RBFOX2: variants seen among roughly 807,000 people sequenced by gnomAD.
RBFOX2 encodes RNA binding fox-1 homolog 2, also known as RNA binding protein fox-1 homolog 2.
A neutral mutation model predicts 49.1 loss-of-function variants in RBFOX2; 10 were observed. The ratio of observed to expected loss-of-function variants is 0.20; its 90% CI spans 0.13 to 0.35. The LOEUF (loss-of-function observed/expected upper bound fraction) is 0.35. RBFOX2 is among the 10% of genes least tolerant of loss of function. RBFOX2 has a pLI of 1.00. For synonymous variants in RBFOX2, 183 were observed against 187.4 expected (o/e 0.98, Z 0.19); for missense variants, 323 against 486.9 (o/e 0.66, Z 3.17).
upstream of RBFOX2, chr22:35,840,631 CGTGTGTGT>C (rs150747166): frequency 1.6e-3 from 1,606 of 1,006,616 alleles, 4 homozygotes; most frequent in African/African-American, 0.015. Context: ...TGCGTGTGTG[CGTGTGTGT>C]GTGTGTGTGT....
intron 2 of RBFOX2, among the ~76,000 whole-genome samples, chr22:35,794,801 T>C (rs1948454119): frequency 6.6e-6 from 1 of 152,200 alleles, no homozygotes; most frequent in South Asian, 2.1e-4. Context: ...TACTTCATCA[T>C]CCTTGCCCTA....
intron 1 of RBFOX2, among the ~76,000 whole-genome samples, chr22:35,845,908 T>C (rs1416813596): frequency 6.6e-6 from 1 of 152,118 alleles, no homozygotes; most frequent in Non-Finnish European, 1.5e-5. Context: ...TCTGGCATAG[T>C]ATCTGGCACA....
intron 1 of RBFOX2, among the ~76,000 whole-genome samples, chr22:35,868,145 A>G (rs556512789): frequency 6.6e-6 from 1 of 152,284 alleles, no homozygotes; most frequent in South Asian, 2.1e-4. Context: ...CAGAAAGTTG[A>G]GGCTGTAGTG....
chr22:35,921,316 G>A (rs910521743), intron 1 of RBFOX2, among the ~76,000 whole-genome samples: 6 of 152,176 alleles, frequency 3.9e-5, no homozygotes, highest in African/African-American at 9.7e-5. Flanking sequence ...TTCTCAAGTT[G>A]AGTGTGTATA....
At chr22:35,821,327 C>A (rs1286902457) in intron 1 of RBFOX2, among the ~76,000 whole-genome samples, 1 of 151,970 alleles carries the variant, frequency 6.6e-6, no homozygotes, top group African/African-American at 2.4e-5. Context: ...CCTGGCCAGG[C>A]GTGTTGGCTC....
At chr22:35,845,861 A>C (rs2041116442) in intron 1 of RBFOX2, among the ~76,000 whole-genome samples, 1 of 152,166 alleles carries the variant, frequency 6.6e-6, no homozygotes, top group Non-Finnish European at 1.5e-5. Context: ...AAGTTACAGG[A>C]AACTTTGTTG....
intron 1 of RBFOX2, among the ~76,000 whole-genome samples, chr22:35,921,593 T>C (rs2051032980): frequency 6.6e-6 from 1 of 152,178 alleles, no homozygotes; most frequent in South Asian, 2.1e-4. Context: ...CTGAATTAAA[T>C]TAGAAGCTAA....
intron 9 of RBFOX2, among the ~76,000 whole-genome samples, chr22:35,753,771 CTTTTTTTTTTTTTTTT>C (rs869178693): frequency 7.3e-5 from 4 of 54,470 alleles, no homozygotes; most frequent in East Asian, 6.2e-4. Flanking sequence ...GTAGACAAGT[CTTTTTTTTTTTTTTTT>C]TTTTTTTTTT....
chr22:35,793,858 T>A (rs1391864180), intron 2 of RBFOX2, among the ~76,000 whole-genome samples: 1 of 152,184 alleles, frequency 6.6e-6, no homozygotes, highest in Admixed American at 6.5e-5. Context: ...TCTGAAAATA[T>A]GTGATTCCAT....
intron 1 of RBFOX2, among the ~76,000 whole-genome samples, chr22:35,820,625 T>C (rs1310721496): frequency 6.6e-6 from 1 of 152,210 alleles, no homozygotes; most frequent in African/African-American, 2.4e-5. Context: ...ATGAACTCTT[T>C]GAAGGCAGGT....
intron 1 of RBFOX2, among the ~76,000 whole-genome samples, chr22:35,858,705 A>T (rs1047972260): frequency 2.6e-5 from 4 of 151,838 alleles, no homozygotes; most frequent in African/African-American, 9.7e-5. Flanking sequence ...GGGCACCTGT[A>T]ATCCTGGCTA....
At position 35,825,728 on chromosome 22, in the gene RBFOX2, C is replaced by G. The variant is rs1227256178; in HGVS notation, c.27+14464G>C. On this transcript the variant is annotated intron_variant, in intron 1 of 11. Transcript: ENST00000405409. ...GGGTGCAGTGGCTCACGCCTGTAATCCCAGCACTCTGGGAGGCCAAGGCGG... is the reference window on the plus strand; with the variant it reads ...GGGTGCAGTGGCTCACGCCTGTAATGCCAGCACTCTGGGAGGCCAAGGCGG... 2.6e-5 allele frequency among the ~76,000 whole-genome samples: 4 copies of G among 152,206 alleles called. No individual in the cohort carries two copies. In the East Asian group the frequency reaches 7.7e-4, roughly 29 times the overall value.
exon 2 of RBFOX2, chr22:35,809,868 C>T: frequency 6.2e-7 from 1 of 1,614,044 alleles, no homozygotes; most frequent in Admixed American, 1.7e-5. Context: ...GTTATGCTCA[C>T]CGGTCTGGCC....
chr22:35,798,701 C>CG (rs1949235833), intron 2 of RBFOX2, among the ~76,000 whole-genome samples: 1 of 151,992 alleles, frequency 6.6e-6, no homozygotes, highest in South Asian at 2.1e-4. Flanking sequence ...ATATGTATTT[C>CG]AAAAAATTAT....
At chr22:35,972,331 T>C (rs1484248825) in intron 1 of RBFOX2, among the ~76,000 whole-genome samples, 4 of 152,090 alleles carry the variant, frequency 2.6e-5, no homozygotes, top group Admixed American at 6.5e-5. Flanking sequence ...AACTCTGGCA[T>C]AGTTCTCCTA....
chr22:35,957,296 T>C (rs2055679460), intron 1 of RBFOX2, among the ~76,000 whole-genome samples: 1 of 152,128 alleles, frequency 6.6e-6, no homozygotes, highest in Non-Finnish European at 1.5e-5. Flanking sequence ...CTGTTAACAA[T>C]AATAATAAGA....
chr22:35,772,531 T>C (rs1209750223), intron 4 of RBFOX2, among the ~76,000 whole-genome samples: 2 of 152,188 alleles, frequency 1.3e-5, no homozygotes, highest in Non-Finnish European at 2.9e-5. Flanking sequence ...TCTCCAAATT[T>C]CAAGTGCTAA....
rs563090748 is a variant in RBFOX2 at position 36,009,850 on chromosome 22, A to T, written c.186+18390T>A. On this transcript the variant is annotated intron_variant, in intron 1 of 13. Transcript: ENST00000438146. The stretch of plus-strand genomic sequence containing the variant: ...CAGTGTATTAAAATTATCTATGTAC[A>T]TATCCTCTGCAAATTTAAGTCACTG... 3.3e-5 allele frequency among the ~76,000 whole-genome samples: 5 copies of T among 152,282 alleles called. 1 individual carries two copies. The South Asian group carries it at 1.0e-3, about 32-fold the overall frequency.
At chr22:35,846,200 CATAAACTATATAAGT>C (rs1472497272) in intron 1 of RBFOX2, among the ~76,000 whole-genome samples, 2 of 149,288 alleles carry the variant, frequency 1.3e-5, no homozygotes, top group East Asian at 1.9e-4. Flanking sequence ...AATATAATTA[CATAAACTATATAAGT>C]ATAAACTATA....
Sources: allele counts gnomAD v4.1 joint callset (sites outside exome capture counted in the v4.1 genomes callset), GRCh38; gene constraint gnomAD v4.1.1; transcripts MANE v1.5; gene names NCBI Gene and HGNC (gene_info 2026-07-23, HGNC 2026-07-21).